Variants in MROH9 observed in about 807,000 individuals in gnomAD.
MROH9 encodes the protein maestro heat like repeat family member 9.
A neutral mutation model predicts 98.2 loss-of-function variants in MROH9; 92 were observed. The ratio of observed to expected loss-of-function variants is 0.94; its 90% CI spans 0.79 to 1.11. MROH9 has a LOEUF of 1.11. Among genes scored for constraint, MROH9 ranks in the 50% most tolerant of loss-of-function variants. The probability of loss-of-function intolerance (pLI) is 0.00; values close to 1 mark genes in which losing one functional copy is unlikely to be tolerated. For missense variants in MROH9, 1,057 were observed against 1,014.8 expected (o/e 1.04, Z -0.57); for synonymous variants, 397 against 368.9 (o/e 1.08, Z -0.87).
At chr1:171,012,892 C>T (rs1455652819) in intron 15 of MROH9, among the ~76,000 whole-genome samples, 3 of 152,156 alleles carry the variant, frequency 2.0e-5, no homozygotes, top group Non-Finnish European at 2.9e-5. Context: ...CTCATGTCTT[C>T]ACTCTGGGTA....
chr1:171,013,435 G>A (rs1652225541), intron 15 of MROH9, among the ~76,000 whole-genome samples: 1 of 152,044 alleles, frequency 6.6e-6, no homozygotes, highest in South Asian at 2.1e-4. Flanking sequence ...CTAAACTAAT[G>A]CCTGATGATC....
At chr1:171,036,999 G>A (rs1332738767) in intron 20 of MROH9, among the ~76,000 whole-genome samples, 2 of 151,704 alleles carry the variant, frequency 1.3e-5, no homozygotes, top group Admixed American at 6.6e-5. Flanking sequence ...GGAAAAAATA[G>A]CGTTTATGAA....
chr1:171,057,594 G>A (rs1018565030), intron 20 of MROH9, among the ~76,000 whole-genome samples: 3 of 152,040 alleles, frequency 2.0e-5, no homozygotes, highest in African/African-American at 7.2e-5. Context: ...AGGCCAACAT[G>A]CAAATCCAGG....
intron 17 of MROH9, 32 bp from the exon 18 acceptor site, chr1:171,024,357 CTAATAT>C (rs1433244332): frequency 1.3e-5 from 20 of 1,528,972 alleles, no homozygotes; most frequent in Non-Finnish European, 1.7e-5. Flanking sequence ...GAAAAAAGCC[CTAATAT>C]TATCCTCAAA....
intron 7 of MROH9, among the ~76,000 whole-genome samples, chr1:170,970,710 G>GTA (rs1650412006): frequency 2.3e-5 from 3 of 128,038 alleles, no homozygotes; most frequent in Admixed American, 7.7e-5. Flanking sequence ...TTCTGTGTGT[G>GTA]TGTGTGTGTG....
chr1:170,983,648 C>T lies in MROH9; in HGVS notation c.729+114C>T, dbSNP rs1651018711. ...TAGTATTTTTTCGTTTTTTTTTAAA[C>T]TCAGTGTGATAAAATGTAAATGATT... On this transcript the variant is annotated intron_variant, in intron 9 of 21. Transcript: ENST00000367759. The T allele has an allele frequency of 2.0e-5, 13 of 645,782 alleles. No homozygotes were observed. In the South Asian group the frequency reaches 2.2e-4, roughly 11 times the overall value. 40.0% of individuals were successfully genotyped at this position (645,782 alleles called of 1,614,324 possible).
intron 12 of MROH9, among the ~76,000 whole-genome samples, chr1:170,992,859 C>T (rs1651410700): frequency 6.6e-6 from 1 of 152,170 alleles, no homozygotes; most frequent in African/African-American, 2.4e-5. Context: ...GAAGTAACCA[C>T]TGGCTAGATC....
intron 9 of MROH9, among the ~76,000 whole-genome samples, chr1:170,983,780 A>G (rs1651022464): frequency 6.6e-6 from 1 of 152,150 alleles, no homozygotes; most frequent in Non-Finnish European, 1.5e-5. Flanking sequence ...TAGAAAGCAA[A>G]TGAGGTATTT....
intron 12 of MROH9, among the ~76,000 whole-genome samples, chr1:170,994,976 A>T (rs1174614079): frequency 6.7e-6 from 1 of 148,166 alleles, no homozygotes; most frequent in Non-Finnish European, 1.5e-5. Context: ...AATAGGCCAA[A>T]TGATCTGTTG....
rs758848034 is a variant in MROH9 at position 171,024,773 on chromosome 1, G to T, written c.2178+8G>T. The T allele has an allele frequency of 8.7e-6, 13 of 1,491,702 alleles. No individual in the cohort carries two copies. The South Asian group carries it at 1.3e-4, about 15-fold the overall frequency. 92.4% of individuals were successfully genotyped at this position (1,491,702 alleles called of 1,614,324 possible). On this transcript the variant is annotated splice_region_variant and intron_variant, in intron 19 of 21. Transcript: ENST00000367759. ...AATATCTGTAACAATCTTGTAAGTG[G>T]CCCTTCCATTTTTACTACTATAAGA... is the stretch of plus-strand genomic sequence containing the variant.
chr1:170,992,411 A>G (rs978247479), intron 12 of MROH9, 82 bp downstream of exon 12: 1 of 1,420,070 alleles, frequency 7.0e-7, no homozygotes, highest in Non-Finnish European at 9.7e-7. Flanking sequence ...AGACTCAATC[A>G]TACTTTCTTA....
chr1:170,948,161 T>C (rs1364442036), intron 3 of MROH9, among the ~76,000 whole-genome samples: 3 of 152,058 alleles, frequency 2.0e-5, no homozygotes, highest in African/African-American at 7.2e-5. Flanking sequence ...TTTTCAAAAT[T>C]GTTTTAAAAT....
rs1244877850 is a variant in MROH9 at position 170,989,866 on chromosome 1, C to A, written c.891C>A (p.Ile297=). 1 of 1,601,096 alleles carries A rather than the reference C, an allele frequency of 6.2e-7. No homozygotes were observed. Among genetic ancestry groups the A allele is most frequent in the South Asian group, 1.1e-5 (1 of 89,832 alleles). ...HAEKVTMVSK[I]VDAIYRQLCD... ...AATTTCTCTTCCAGGTGTCTAAGAT[C>A]GTGGATGCTATTTACAGGCAACTGT... The change falls in exon 11 of 22, where the codon ATC becomes ATA. Residue 297 remains isoleucine, a synonymous_variant. Coordinates refer to ENST00000367759, the MANE Select transcript of MROH9 (RefSeq NM_001163629.2).
intron 2 of MROH9, among the ~76,000 whole-genome samples, chr1:170,946,589 A>G (rs1359449039): frequency 1.3e-5 from 2 of 152,068 alleles, no homozygotes; most frequent in African/African-American, 4.8e-5. Context: ...GTTAGTTAAC[A>G]TTGGAGGGAA....
chr1:171,019,648 C>CA (rs79714149), intron 17 of MROH9, among the ~76,000 whole-genome samples: 3,543 of 139,046 alleles, frequency 0.025, 138 homozygotes, highest in African/African-American at 0.081. Flanking sequence ...GAGACTCCAT[C>CA]AAAAAAAAAA....
At chr1:171,038,839 T>A (rs999249228) in intron 20 of MROH9, among the ~76,000 whole-genome samples, 3 of 152,064 alleles carry the variant, frequency 2.0e-5, no homozygotes, top group Non-Finnish European at 4.4e-5. Context: ...AAGAAGGGGA[T>A]CATGGTGTTA....
chr1:170,940,053 C>T (rs558478390), intron 1 of MROH9, among the ~76,000 whole-genome samples: 1 of 152,154 alleles, frequency 6.6e-6, no homozygotes, highest in African/African-American at 2.4e-5. Context: ...TTCAAATTAG[C>T]AGCTTTTTAG....
intron 3 of MROH9, among the ~76,000 whole-genome samples, chr1:170,950,300 T>C (rs1649499592): frequency 6.6e-6 from 1 of 152,020 alleles, no homozygotes; most frequent in Non-Finnish European, 1.5e-5. Context: ...ACAATAATTA[T>C]GAGACTGTAT....
rs766998504 is a variant in MROH9, at chr1:170,958,553, A to G, written c.152+13A>G. ...CTGTGAACTCCAGGTATGATAAGCT[A>G]TCATGCTCTTTTATTTCACTAATTG... On this transcript the variant is annotated intron_variant, in intron 4 of 21. Transcript: ENST00000367759. 60 of 1,540,040 alleles carry G rather than the reference A, an allele frequency of 3.9e-5. No homozygotes were observed. The highest frequency in any genetic ancestry group is 1.4e-4 in the Admixed American group (8 of 56,724).
Sources: gnomAD v4.1 joint callset for allele counts (sites outside exome capture counted in the v4.1 genomes callset) on GRCh38, gnomAD v4.1.1 for gene constraint, MANE v1.5 for transcripts, NCBI Gene and HGNC (gene_info 2026-07-23, HGNC 2026-07-21) for gene names.